The following LRRIQ1 variants were observed in gnomAD, a reference collection of about 807,000 sequenced individuals.
The protein encoded by LRRIQ1 is leucine rich repeats and IQ motif containing 1.
In LRRIQ1, 210 loss-of-function variants were observed where a neutral mutation model predicts 211.9. That is an observed-to-expected ratio of 0.99 (90% CI 0.89 to 1.11). LRRIQ1 has a LOEUF of 1.11. LRRIQ1 is among the 50% of genes most tolerant of loss of function. The pLI, the probability that LRRIQ1 is intolerant of heterozygous loss-of-function variation, is 0.00. For missense variants in LRRIQ1, 2,136 were observed against 1,939.5 expected (o/e 1.10, Z -1.90); for synonymous variants, 699 against 650.1 (o/e 1.08, Z -1.14).
intron 24 of LRRIQ1, among the ~76,000 whole-genome samples, chr12:85,171,727 A>G (rs150005455): frequency 0.013 from 1,950 of 152,254 alleles, 25 homozygotes; most frequent in Middle Eastern, 0.02. Flanking sequence ...AATCCAATAG[A>G]ATGAATGTCC....
chr12:85,181,408 A>G (rs1891975226), intron 24 of LRRIQ1, among the ~76,000 whole-genome samples: 1 of 151,890 alleles, frequency 6.6e-6, no homozygotes, highest in Admixed American at 6.6e-5. Flanking sequence ...TGAGGCATTT[A>G]TCAATATTAT....
intron 1 of LRRIQ1, among the ~76,000 whole-genome samples, chr12:85,254,371 C>T (rs1896029690): frequency 6.6e-6 from 1 of 152,098 alleles, no homozygotes; most frequent in Non-Finnish European, 1.5e-5. Flanking sequence ...GCATTTTGAA[C>T]ATTTTGGGAG....
chr12:85,126,695 C>T (rs1424183949), intron 17 of LRRIQ1, among the ~76,000 whole-genome samples: 2 of 151,954 alleles, frequency 1.3e-5, no homozygotes, highest in African/African-American at 2.4e-5. Context: ...CAGATTGGAG[C>T]CTTCTACTGG....
At chr12:85,112,193 A>G (rs1039348605) in intron 15 of LRRIQ1, among the ~76,000 whole-genome samples, 4 of 151,946 alleles carry the variant, frequency 2.6e-5, no homozygotes, top group Admixed American at 1.3e-4. Context: ...ACATTCTTCA[A>G]TCTTGCATAG....
intron 23 of LRRIQ1, among the ~76,000 whole-genome samples, chr12:85,157,079 G>T (rs913146704): frequency 6.6e-6 from 1 of 151,824 alleles, no homozygotes; most frequent in African/African-American, 2.4e-5. Context: ...AGATGAAAAT[G>T]AAAATACAGC....
At chr12:85,151,147 GTA>G (rs1890215752) in intron 19 of LRRIQ1, among the ~76,000 whole-genome samples, 1 of 150,778 alleles carries the variant, frequency 6.6e-6, no homozygotes, top group South Asian at 2.1e-4. Context: ...ATATATATAT[GTA>G]TATGTTAATA....
At chr12:85,183,642 AG>A (rs1014782126) in intron 24 of LRRIQ1, among the ~76,000 whole-genome samples, 12 of 152,146 alleles carry the variant, frequency 7.9e-5, no homozygotes, top group African/African-American at 2.4e-4. Flanking sequence ...CCTGTATGGA[AG>A]TTCAATGTGC....
chr12:85,266,328 T>A (rs1896418598), downstream of LRRIQ1, among the ~76,000 whole-genome samples: 1 of 152,084 alleles, frequency 6.6e-6, no homozygotes, highest in Non-Finnish European at 1.5e-5. Context: ...AATCCAGTTT[T>A]AATCTAAAAG....
chr12:85,187,047 G>A (rs201938974), intron 24 of LRRIQ1, among the ~76,000 whole-genome samples: 1 of 151,438 alleles, frequency 6.6e-6, no homozygotes, highest in East Asian at 1.9e-4. Flanking sequence ...TACTGTAAAG[G>A]GCATATCACA....
rs933616539 is a variant in LRRIQ1 at position 85,174,381 on chromosome 12, A to G, written c.4822+13667A>G. 9.2e-5 allele frequency among the ~76,000 whole-genome samples: 14 copies of G among 152,002 alleles called. No homozygotes were observed. In the East Asian group the frequency reaches 2.7e-3, roughly 29 times the overall value. Reference sequence around the variant, plus strand: ...AATATAAATAGAGACTCAGTTCAGGAGGTCCAACATTTGATAAATAATCAG... The same window carrying G: ...AATATAAATAGAGACTCAGTTCAGGGGGTCCAACATTTGATAAATAATCAG... On this transcript the variant is annotated intron_variant, in intron 24 of 26. Transcript: ENST00000393217.
At chr12:85,240,916 T>C (rs566809203) in intron 26 of LRRIQ1, among the ~76,000 whole-genome samples, 5 of 152,192 alleles carry the variant, frequency 3.3e-5, no homozygotes, top group African/African-American at 1.2e-4. Flanking sequence ...ACGGAATAGA[T>C]TTGTGTCCTA....
intron 24 of LRRIQ1, among the ~76,000 whole-genome samples, chr12:85,197,970 A>C (rs11503285): frequency 1.8e-5 from 2 of 108,176 alleles, no homozygotes; most frequent in East Asian, 2.2e-4. Flanking sequence ...TTATATATAA[A>C]TATATATAAT....
chr12:85,198,796 C>T (rs910227057), intron 24 of LRRIQ1, among the ~76,000 whole-genome samples: 1 of 152,244 alleles, frequency 6.6e-6, no homozygotes, highest in African/African-American at 2.4e-5. Flanking sequence ...TCTTGATTTG[C>T]TGACCTCGTG....
intron 24 of LRRIQ1, among the ~76,000 whole-genome samples, chr12:85,171,067 A>C (rs1219004077): frequency 1.3e-5 from 2 of 152,180 alleles, no homozygotes; most frequent in African/African-American, 4.8e-5. Context: ...AGACGATGTA[A>C]GTAGAGCCAA....
chr12:85,137,183 CTT>C (rs1565861384), intron 18 of LRRIQ1, among the ~76,000 whole-genome samples: 2 of 150,906 alleles, frequency 1.3e-5, no homozygotes, highest in Non-Finnish European at 3.0e-5. Context: ...ATAAAAAACA[CTT>C]ATTTCTCCCT....
In LRRIQ1 at chr12:85,153,700, A is replaced by C. The variant is rs1453574552; in HGVS notation, c.4579A>C (p.Lys1527Gln). The C allele has an allele frequency of 1.3e-6, 2 of 1,588,202 alleles. No individual in the cohort carries two copies. The highest frequency in any genetic ancestry group is 8.6e-7 in the Non-Finnish European group (1 of 1,169,336). Residue 1527 changes from lysine to glutamine, a missense_variant, in exon 22 of 27, where the codon AAG becomes CAG. By Grantham distance (53) the Lys-to-Gln change is moderately conservative. Transcript: ENST00000393217. ...NKTSSWTPESKTSRKSLLKSE... is the reference protein window; with the variant it reads ...NKTSSWTPESQTSRKSLLKSE... ...AACTTCTTCCTGGACACCTGAATCA[A>C]AGACCAGTAGAAAGAGTTTGCTAAA...
At position 85,073,048 on chromosome 12, in the gene LRRIQ1, T is replaced by C. The variant is rs1289325825; in HGVS notation, c.2837T>C (p.Leu946Pro). The change falls in exon 11 of 27, where the codon CTT becomes CCT. Residue 946 changes from leucine (L) to proline (P), a missense_variant. By Grantham distance (98) the Leu-to-Pro change is moderately conservative. Coordinates refer to ENST00000393217, the MANE Select transcript of LRRIQ1 (RefSeq NM_001079910.2). ...TGGTCCTGGATACCTATTACCTCAC[T>C]TACAAAAAATTCAGATTGTAATTTC... ...LCWSWIPITS[L>P]TKNSDCNFLI... 1 of 1,609,654 alleles carries C rather than the reference T, an allele frequency of 6.2e-7. No individual in the cohort carries two copies. Among genetic ancestry groups the C allele is most frequent in the African/African-American group, 1.3e-5 (1 of 74,520 alleles).
intron 23 of LRRIQ1, among the ~76,000 whole-genome samples, chr12:85,158,114 C>CA (rs952702432): frequency 1.3e-5 from 2 of 151,608 alleles, no homozygotes; most frequent in Non-Finnish European, 2.9e-5. Context: ...CTCTCAACCA[C>CA]AAAAAATTAA....
At chr12:85,097,540 A>G (rs1463220173) in intron 11 of LRRIQ1, among the ~76,000 whole-genome samples, 2 of 152,090 alleles carry the variant, frequency 1.3e-5, no homozygotes, top group Non-Finnish European at 2.9e-5. Flanking sequence ...TAGTTTGCTC[A>G]GAATGATGGT....
Sources: gnomAD v4.1 joint callset for allele counts (sites outside exome capture counted in the v4.1 genomes callset) on GRCh38, gnomAD v4.1.1 for gene constraint, MANE v1.5 for transcripts, NCBI Gene and HGNC (gene_info 2026-07-23, HGNC 2026-07-21) for gene names.